The following FRMPD3 variants were observed in gnomAD, a reference collection of about 807,000 sequenced individuals.
The protein encoded by FRMPD3 is FERM and PDZ domain containing 3.
Under a neutral mutation model 97.9 loss-of-function variants are expected in FRMPD3, and 42 were observed. That is an observed-to-expected ratio of 0.43 (90% confidence interval 0.34 to 0.55). FRMPD3 has a LOEUF of 0.55. FRMPD3 is among the 20% of genes least tolerant of loss of function. The pLI, the probability that FRMPD3 is intolerant of heterozygous loss-of-function variation, is 0.03. For synonymous variants in FRMPD3, 577 were observed against 581.1 expected (o/e 0.99, Z 0.10); for missense variants, 1,303 against 1,457.7 (o/e 0.89, Z 1.73).
At chrX:107,524,832 A>C (rs1409703285) in intron 1 of FRMPD3, among the ~76,000 whole-genome samples, 1 of 109,601 alleles carries the variant, frequency 9.1e-6, no homozygotes, top group African/African-American at 3.3e-5. Flanking sequence ...GTCACTACTA[A>C]AAATATAAAA....
intron 2 of FRMPD3, among the ~76,000 whole-genome samples, chrX:107,527,770 A>G (rs1922754316): frequency 9.0e-6 from 1 of 111,586 alleles, no homozygotes; most frequent in Admixed American, 9.5e-5. Flanking sequence ...GAATTTTGCA[A>G]TCCTCCAAGG....
Position 107,489,641 on chromosome X carries a change from A to T in FRMPD3, c.-7-36941A>T, listed in dbSNP as rs768270776. Among the ~76,000 whole-genome samples the T allele has an allele frequency of 8.9e-5, 10 of 112,124 alleles. No individual in the cohort carries two copies. The South Asian group carries it at 3.7e-3, about 42-fold the overall frequency. ...TTGGCTGCATAAATGTCTTCTTTTGAGAAGTGTCTGTTCATATCCTTTGCC... is the reference window on the plus strand; with the variant it reads ...TTGGCTGCATAAATGTCTTCTTTTGTGAAGTGTCTGTTCATATCCTTTGCC... On this transcript the variant is annotated intron_variant, in intron 1 of 14. Transcript: ENST00000683843.
At chrX:107,585,569 C>T (rs769968832) in intron 13 of FRMPD3, among the ~76,000 whole-genome samples, 1 of 111,567 alleles carries the variant, frequency 9.0e-6, no homozygotes, top group Admixed American at 9.6e-5. Flanking sequence ...ATGATATTGG[C>T]CGTGGGTTTG....
At chrX:107,545,898 C>A in intron 5 of FRMPD3, 57 bp downstream of exon 5, 2 of 929,941 alleles carry the variant, frequency 2.2e-6, no homozygotes, top group Non-Finnish European at 3.1e-6. Flanking sequence ...GCCTGGCTGT[C>A]AAGCTCTCGC....
At chrX:107,595,494 G>A (rs1924123551) in intron 13 of FRMPD3, among the ~76,000 whole-genome samples, 1 of 111,192 alleles carries the variant, frequency 9.0e-6, no homozygotes, top group African/African-American at 3.3e-5. Context: ...TCACAACAGT[G>A]TTCCATATGC....
At chrX:107,497,843 G>T (rs1394478066) in intron 1 of FRMPD3, among the ~76,000 whole-genome samples, 1 of 112,293 alleles carries the variant, frequency 8.9e-6, no homozygotes, top group African/African-American at 3.2e-5. Context: ...TGTGGGTCTT[G>T]TAGCAAGAGC....
At chrX:107,576,952 G>A (rs959206122) in intron 13 of FRMPD3, among the ~76,000 whole-genome samples, 1 of 110,072 alleles carries the variant, frequency 9.1e-6, no homozygotes, top group Non-Finnish European at 1.9e-5. Flanking sequence ...CAGAAATAAT[G>A]AGTGAAGCTG....
chrX:107,449,998 G>C lies in FRMPD3; in HGVS notation c.-15G>C, dbSNP rs1253240636. Among the ~76,000 whole-genome samples the C allele has an allele frequency of 9.0e-6, 1 of 110,896 alleles. No homozygotes were observed. Among genetic ancestry groups the C allele is most frequent in the Non-Finnish European group, 1.9e-5 (1 of 52,439 alleles). ...AGGAAGAGGAGGAGGAAGAGGAGGG[G>C]GAGGAAGGTAAGAGGCGCGCTGCCT... On this transcript the variant is annotated 5_prime_UTR_variant, in exon 1 of 15. Transcript: ENST00000683843.
intron 11 of FRMPD3, among the ~76,000 whole-genome samples, chrX:107,563,429 G>A (rs955329472): frequency 1.2e-4 from 13 of 112,051 alleles, no homozygotes; most frequent in African/African-American, 4.2e-4. Flanking sequence ...TCGATTTGGG[G>A]GCGCAGCATA....
chrX:107,533,417 C>A, intron 3 of FRMPD3, 88 bp from the exon 4 acceptor site: 1 of 828,162 alleles, frequency 1.2e-6, no homozygotes, highest in Non-Finnish European at 1.8e-6. Flanking sequence ...CTGAATAAAG[C>A]CAGGGGAAGA....
intron 4 of FRMPD3, among the ~76,000 whole-genome samples, chrX:107,537,936 G>C (rs759380352): frequency 6.3e-5 from 7 of 111,549 alleles, no homozygotes; most frequent in Admixed American, 1.9e-4. Flanking sequence ...CCCAGCCGAG[G>C]TCGGACAAGG....
Position 107,565,128 on chromosome X carries a change from G to A in FRMPD3, c.1296+62G>A, listed in dbSNP as rs112260901. ...ACAGGCCTTGGGAATAGAGGAAGAA[G>A]TAAACTTGAGAAAGAGAATTGGAAT... On this transcript the variant is annotated intron_variant, in intron 12 of 14. Transcript: ENST00000683843. The A allele has an allele frequency of 0.018, 18,208 of 1,007,482 alleles. 1,698 individuals carry two copies. The African/African-American group carries it at 0.3, about 16-fold the overall frequency. 83.0% of individuals were successfully genotyped at this position (1,007,482 alleles called of 1,213,427 possible). A position where few individuals can be genotyped will look rare whatever the true frequency, so the allele number is the denominator to read the frequency against.
rs1924305227 is a variant in FRMPD3 at position 107,598,153 on chromosome X, A to T, written c.2263+11A>T. On this transcript the variant is annotated intron_variant, in intron 14 of 14. Transcript: ENST00000683843. ...CCCCACAGACTGCAGGTAATGACCG[A>T]TTCCTTCTCCCTCTTTCCACCCCCT... 1 of 1,177,868 alleles carries T rather than the reference A, an allele frequency of 8.5e-7. No individual in the cohort carries two copies. The highest frequency in any genetic ancestry group is 1.1e-6 in the Non-Finnish European group (1 of 870,627).
intron 1 of FRMPD3, among the ~76,000 whole-genome samples, chrX:107,486,214 C>T (rs1459950650): frequency 8.9e-6 from 1 of 112,345 alleles, no homozygotes; most frequent in Non-Finnish European, 1.9e-5. Flanking sequence ...GGTGCCATCT[C>T]CAGTGATCCC....
At chrX:107,508,365 A>T (rs1469767805) in intron 1 of FRMPD3, among the ~76,000 whole-genome samples, 1 of 112,377 alleles carries the variant, frequency 8.9e-6, no homozygotes, top group Non-Finnish European at 1.9e-5. Flanking sequence ...ATAACAAGAC[A>T]GCAGAATGTA....
At chrX:107,548,735 T>C (rs1175455743) in intron 5 of FRMPD3, among the ~76,000 whole-genome samples, 2 of 112,182 alleles carry the variant, frequency 1.8e-5, no homozygotes, top group African/African-American at 6.5e-5. Flanking sequence ...TCGTAGCTAT[T>C]TGGGAGGCTG....
At chrX:107,535,994 T>C (rs994608390) in intron 4 of FRMPD3, among the ~76,000 whole-genome samples, 3 of 111,261 alleles carry the variant, frequency 2.7e-5, no homozygotes, top group Non-Finnish European at 5.6e-5. Context: ...CCACACTCAC[T>C]TCACCGCCTA....
rs755583202 is a variant in FRMPD3, at chrX:107,565,095, G to A, written c.1296+29G>A. ...AGCCCTGCTTTGAGGGCCTCCTTCT[G>A]TTTAGGAACAGGCCTTGGGAATAGA... On this transcript the variant is annotated intron_variant, in intron 12 of 14. Coordinates refer to ENST00000683843, the MANE Select transcript of FRMPD3 (RefSeq NM_001388459.1). 9 of 1,121,237 alleles carry A rather than the reference G, an allele frequency of 8.0e-6. No individual in the cohort carries two copies. In the African/African-American group the frequency reaches 1.7e-4, roughly 21 times the overall value. 92.4% of individuals were successfully genotyped at this position (1,121,237 alleles called of 1,213,427 possible). A position where few individuals can be genotyped will look rare whatever the true frequency, so the allele number is the denominator to read the frequency against.
intron 13 of FRMPD3, among the ~76,000 whole-genome samples, chrX:107,590,404 GTCT>G (rs1322192287): frequency 9.0e-6 from 1 of 110,578 alleles, no homozygotes; most frequent in Non-Finnish European, 1.9e-5. Context: ...AGACATTCTG[GTCT>G]TCTTCCTGAT....
Sources: gnomAD v4.1 joint callset for allele counts (sites outside exome capture counted in the v4.1 genomes callset) on GRCh38, gnomAD v4.1.1 for gene constraint, MANE v1.5 for transcripts, NCBI Gene and HGNC (gene_info 2026-07-23, HGNC 2026-07-21) for gene names.